GZF1: variants seen among roughly 807,000 people sequenced by gnomAD.
GZF1 encodes GDNF-inducible zinc finger protein 1.
GZF1 carries 28 observed loss-of-function variants against 49.4 expected under a neutral mutation model. That is an observed-to-expected ratio of 0.57 (90% CI 0.42 to 0.78). GZF1 has a LOEUF of 0.78. Among genes scored for constraint, GZF1 ranks in the 30% least tolerant of loss-of-function variants. The pLI is 0.00. For missense variants in GZF1, 798 were observed against 916.2 expected (o/e 0.87, Z 1.67); for synonymous variants, 364 against 356.0 (o/e 1.02, Z -0.25).
Position 23,370,580 on chromosome 20 carries a change from T to C in GZF1, c.*139T>C, listed in dbSNP as rs1355318425. 1 of 646,378 alleles carries C rather than the reference T, an allele frequency of 1.5e-6. No individual in the cohort carries two copies. Among genetic ancestry groups the C allele is most frequent in the Admixed American group, 2.9e-5 (1 of 34,052 alleles). 40.0% of individuals were successfully genotyped at this position (646,378 alleles called of 1,614,324 possible). A position where few individuals can be genotyped will look rare whatever the true frequency, so the allele number is the denominator to read the frequency against. On this transcript the variant is annotated 3_prime_UTR_variant, in exon 6 of 6. Transcript: ENST00000338121. ...TCTGCAGATTTTCCTGAACTTCTGC[T>C]AACTTGCACGGCTTTATCACAGCAT...
chr20:23,365,082 G>A lies in GZF1; in HGVS notation c.699G>A (p.Val233=), dbSNP rs1371518352. 2 of 1,614,010 alleles carry A rather than the reference G, an allele frequency of 1.2e-6. No homozygotes were observed. The highest frequency in any genetic ancestry group is 4.5e-5 in the East Asian group (2 of 44,884). ...SGRLAGRKVF[V]EIPKKKYTRR... Reference sequence around the variant, plus strand: ...GGCTGGCTGGGAGGAAGGTCTTTGTGGAGATCCCTAAAAAGAAATATACGA... The same window carrying A: ...GGCTGGCTGGGAGGAAGGTCTTTGTAGAGATCCCTAAAAAGAAATATACGA... Residue 233 remains valine (V), a synonymous_variant, in exon 2 of 6, where the codon GTG becomes GTA. Transcript: ENST00000338121.
chr20:23,361,362 GAA>G (rs1334942902), upstream of GZF1, among the ~76,000 whole-genome samples: 1 of 152,236 alleles, frequency 6.6e-6, no homozygotes, highest in Non-Finnish European at 1.5e-5. Flanking sequence ...AGAATTGGTG[GAA>G]ACAGCAAGAT....
Position 23,370,562 on chromosome 20 carries a change from A to G in GZF1, c.*121A>G, listed in dbSNP as rs1040238799. On this transcript the variant is annotated 3_prime_UTR_variant, in exon 6 of 6. Coordinates refer to ENST00000338121, the MANE Select transcript of GZF1 (RefSeq NM_022482.5). Reference sequence around the variant, plus strand: ...ATGTGGGCAAGAATGGCCTCTGCAGATTTTCCTGAACTTCTGCTAACTTGC... The same window carrying G: ...ATGTGGGCAAGAATGGCCTCTGCAGGTTTTCCTGAACTTCTGCTAACTTGC... 3 of 698,896 alleles carry G rather than the reference A, an allele frequency of 4.3e-6. No homozygotes were observed. Among genetic ancestry groups the G allele is most frequent in the Admixed American group, 2.9e-5 (1 of 34,560 alleles). 43.3% of individuals were successfully genotyped at this position (698,896 alleles called of 1,614,324 possible).
chr20:23,368,707 C>A, intron 3 of GZF1, 55 bp from the exon 4 acceptor site: 1 of 1,434,432 alleles, frequency 7.0e-7, no homozygotes, highest in South Asian at 1.4e-5. Flanking sequence ...ACCTACTGTT[C>A]CATGTGTTTT....
At chr20:23,365,776 C>T (rs1414356380) in intron 2 of GZF1, 29 bp downstream of exon 2, 4 of 1,485,302 alleles carry the variant, frequency 2.7e-6, no homozygotes, top group African/African-American at 2.8e-5. Context: ...GGAGGGGTCC[C>T]TGCGCACTGG....
intron 3 of GZF1, 109 bp downstream of exon 3, chr20:23,367,206 G>A (rs1460668743): frequency 1.1e-5 from 8 of 730,024 alleles, no homozygotes; most frequent in Admixed American, 2.3e-5. Context: ...TTAAAGCCAT[G>A]ATATAGCTTT....
At chr20:23,361,532 T>C (rs1259490381), upstream of GZF1, among the ~76,000 whole-genome samples, 1 of 152,296 alleles carries the variant, frequency 6.6e-6, no homozygotes. Flanking sequence ...TCCCGGCTCC[T>C]GGCGCGCCGA....
At chr20:23,368,425 T>G (rs1981659960) in intron 3 of GZF1, among the ~76,000 whole-genome samples, 2 of 152,212 alleles carry the variant, frequency 1.3e-5, no homozygotes, top group African/African-American at 4.8e-5. Flanking sequence ...CCTTTGAAAA[T>G]AATCCAGCAG....
At chr20:23,366,658 A>C (rs1981434267) in intron 2 of GZF1, among the ~76,000 whole-genome samples, 1 of 152,198 alleles carries the variant, frequency 6.6e-6, no homozygotes, top group African/African-American at 2.4e-5. Context: ...ATTATTCTGT[A>C]TGAGACAGCT....
rs1176571102 is a variant in GZF1, at chr20:23,366,994, T to C, written c.1365-9T>C. 1.3e-6 allele frequency: 2 copies of C among 1,566,194 alleles called. No individual in the cohort carries two copies. Among genetic ancestry groups the C allele is most frequent in the African/African-American group, 1.3e-5 (1 of 74,112 alleles). On this transcript the variant is annotated splice_polypyrimidine_tract_variant and intron_variant, in intron 2 of 5. Coordinates refer to ENST00000338121, the MANE Select transcript of GZF1 (RefSeq NM_022482.5). Reference sequence around the variant, plus strand: ...ATCCTAAGTTATCATCTGAATGTTGTACTTTCAGAATTCATACAGGGGAAA... The same window carrying C: ...ATCCTAAGTTATCATCTGAATGTTGCACTTTCAGAATTCATACAGGGGAAA...
rs149581870 is a variant in GZF1 at position 23,365,568 on chromosome 20, C to T, written c.1185C>T (p.His395=). The T allele has an allele frequency of 4.2e-5, 67 of 1,611,984 alleles. No homozygotes were observed. The highest frequency in any genetic ancestry group is 5.3e-5 in the Non-Finnish European group (62 of 1,179,688). ...AGCGCAAGAAGGACGTGAAGCGGCA[C>T]GTGCTGCAGGTGCATGAGGGCGGCG... The part of the protein sequence containing the change: ...KFKRKKDVKR[H]VLQVHEGGGE... Residue 395 remains histidine (H), a synonymous_variant, in exon 2 of 6, where the codon CAC becomes CAT. Coordinates refer to ENST00000338121, the MANE Select transcript of GZF1 (RefSeq NM_022482.5).
At chr20:23,364,249 A>G in intron 1 of GZF1, 114 bp from the exon 2 acceptor site, 1 of 579,814 alleles carries the variant, frequency 1.7e-6, no homozygotes, top group Non-Finnish European at 3.0e-6. Context: ...TTACCTGAGT[A>G]AAGCTAGGTT....
intron 3 of GZF1, 120 bp from the exon 4 acceptor site, chr20:23,368,642 G>GT (rs1234933069): frequency 7.6e-6 from 4 of 523,404 alleles, no homozygotes; most frequent in South Asian, 5.3e-5. Context: ...ACTGGAAAAT[G>GT]TAACATGCTG....
chr20:23,367,613 A>C (rs1312675432), intron 3 of GZF1, among the ~76,000 whole-genome samples: 1 of 152,258 alleles, frequency 6.6e-6, no homozygotes, highest in Non-Finnish European at 1.5e-5. Flanking sequence ...AAAATGCACA[A>C]TTAAGCATAC....
Position 23,365,689 on chromosome 20 carries a change from G to A in GZF1, c.1306G>A (p.Gly436Ser), listed in dbSNP as rs146272692. Residue 436 changes from glycine to serine, a missense_variant, in exon 2 of 6, where the codon GGC becomes AGC. This residue lies in a region of GZF1 where 446 missense variants were observed against 540.1 expected (regional missense o/e 0.83). Coordinates refer to ENST00000338121, the MANE Select transcript of GZF1 (RefSeq NM_022482.5). ...ERTHTGDRPY[G>S]CTECGARFSQ... ...CACACACACGGGAGACCGGCCCTAC[G>A]GCTGCACCGAGTGCGGCGCCAGGTT... The A allele has an allele frequency of 8.2e-6, 13 of 1,583,980 alleles. No individual in the cohort carries two copies. The highest frequency in any genetic ancestry group is 1.1e-5 in the Non-Finnish European group (13 of 1,170,380).
chr20:23,365,242 G>GA lies in GZF1; in HGVS notation c.860dup (p.Leu288ValfsTer31). 6.2e-7 allele frequency: 1 copy of GA among 1,605,486 alleles called. No individual in the cohort carries two copies. Reference sequence around the variant, plus strand: ...AAATGAGGGTTGCCAGGCAGGTGCTGAGTTGGAGGAATTGTCAAAGAAAGC... The same window carrying GA: ...AAATGAGGGTTGCCAGGCAGGTGCTGAAGTTGGAGGAATTGTCAAAGAAAGC... On this transcript the variant is annotated frameshift_variant, in exon 2 of 6. Coordinates refer to ENST00000338121, the MANE Select transcript of GZF1 (RefSeq NM_022482.5). LOFTEE classifies it high-confidence loss of function.
At chr20:23,369,775 C>T (rs781507739) in intron 5 of GZF1, 34 bp downstream of exon 5, 2 of 1,585,160 alleles carry the variant, frequency 1.3e-6, no homozygotes, top group Non-Finnish European at 8.6e-7. Flanking sequence ...GAGAAACAAG[C>T]TGCTGCCCTT....
intron 4 of GZF1, 127 bp from the exon 5 acceptor site, chr20:23,369,457 C>T (rs6114071): frequency 1.2e-6 from 1 of 802,138 alleles, no homozygotes; most frequent in Non-Finnish European, 2.0e-6. Flanking sequence ...CCAACATAAC[C>T]TTCCTTATGT....
chr20:23,362,108 G>A (rs1475766875), upstream of GZF1: 1 of 152,238 alleles, frequency 6.6e-6, no homozygotes, highest in African/African-American at 2.4e-5. Context: ...GCCGGCCGCG[G>A]GAGGGGAGGG....
Sources: gnomAD v4.1 joint callset for allele counts (sites outside exome capture counted in the v4.1 genomes callset) on GRCh38, gnomAD v4.1.1 for gene constraint, gnomAD v4.1.1 regional missense constraint, MANE v1.5 for transcripts, NCBI Gene and HGNC (gene_info 2026-07-23, HGNC 2026-07-21) for gene names.